The following VWF variants were observed in gnomAD, a reference collection of about 807,000 sequenced individuals.
VWF encodes von Willebrand factor, also known as Factor VIII related antigen.
VWF carries 176 observed loss-of-function variants against 308.6 expected under a neutral mutation model. That is an observed-to-expected ratio of 0.57 (90% CI 0.50 to 0.65). The LOEUF is 0.65. VWF is among the 30% of genes least tolerant of loss of function. VWF has a pLI of 0.00. For synonymous variants in VWF, 1,385 were observed against 1,443.4 expected (o/e 0.96, Z 0.92); for missense variants, 3,146 against 3,648.2 (o/e 0.86, Z 3.55).
intron 34 of VWF, 136 bp from the exon 35 acceptor site, chr12:5,996,358 A>G: frequency 2.5e-6 from 2 of 796,010 alleles, no homozygotes; most frequent in Non-Finnish European, 4.2e-6. Flanking sequence ...GAGGTCATAT[A>G]GAACAATTTC....
At chr12:6,080,509 G>A (rs987253357) in intron 6 of VWF, among the ~76,000 whole-genome samples, 8 of 152,204 alleles carry the variant, frequency 5.3e-5, no homozygotes, top group African/African-American at 1.9e-4. Flanking sequence ...GTCTGCACAG[G>A]GCCCTGGATG....
intron 5 of VWF, chr12:6,096,107 AGATG>A (rs58581042): frequency 0.15 from 22,928 of 155,900 alleles, 1,760 homozygotes; most frequent in East Asian, 0.25. Context: ...ATGGATGGAT[AGATG>A]GATGGATGGA....
intron 5 of VWF, among the ~76,000 whole-genome samples, chr12:6,108,838 A>G (rs746005671): frequency 6.6e-5 from 10 of 152,062 alleles, no homozygotes; most frequent in Non-Finnish European, 1.3e-4. Context: ...AAAATTAGCC[A>G]GGCATGGTGG....
chr12:6,108,825 C>G (rs1945272424), intron 5 of VWF, among the ~76,000 whole-genome samples: 1 of 151,520 alleles, frequency 6.6e-6, no homozygotes, highest in South Asian at 2.1e-4. Flanking sequence ...ACTAAAAATA[C>G]AAAAAATTAG....
chr12:6,075,598 C>T lies in VWF; in HGVS notation c.658-47G>A. Reference sequence around the variant, plus strand: ...CAGCGGTATGCTCCGTTAGTGTCTCCCTGAGTGTGGCACTGAGACTTAGCC... The same window carrying T: ...CAGCGGTATGCTCCGTTAGTGTCTCTCTGAGTGTGGCACTGAGACTTAGCC... On this transcript the variant is annotated intron_variant, in intron 6 of 51. Coordinates refer to ENST00000261405, the MANE Select transcript of VWF (RefSeq NM_000552.5). The surrounding 1 kb of genome is among the most constrained non-coding windows in gnomAD (Gnocchi z 4.7). 1 of 1,577,690 alleles carries T rather than the reference C, an allele frequency of 6.3e-7. No individual in the cohort carries two copies. Among genetic ancestry groups the T allele is most frequent in the Non-Finnish European group, 8.6e-7 (1 of 1,159,432 alleles).
rs73261071 is a variant in VWF, at chr12:6,019,937, A to G, written c.3675-194T>C. Among the ~76,000 whole-genome samples, 10,120 of 152,146 alleles carry G rather than the reference A, an allele frequency of 0.067. 1,070 individuals carry two copies. Among genetic ancestry groups the G allele is most frequent in the African/African-American group, 0.23 (9,338 of 41,434 alleles). ...TCTGTCCCCAAATAGCATGCCCCCC[A>G]CCTTCAAAACACACACATAGCCGAC... On this transcript the variant is annotated intron_variant, in intron 27 of 51. Transcript: ENST00000261405. The surrounding 1 kb of genome is among the most constrained non-coding windows in gnomAD (Gnocchi z 5.8).
At chr12:5,969,639 G>T (rs1943447289) in intron 44 of VWF, among the ~76,000 whole-genome samples, 1 of 152,224 alleles carries the variant, frequency 6.6e-6, no homozygotes, top group Non-Finnish European at 1.5e-5. Flanking sequence ...GAAGCCAGGG[G>T]ACTCACCCTC....
chr12:6,019,272 C>G lies in VWF; in HGVS notation c.4146G>C (p.Leu1382=). Residue 1382 remains leucine (L), a synonymous_variant, in exon 28 of 52, where the codon CTG becomes CTC. Transcript: ENST00000261405. This position sits in a 1 kb window ranked among gnomAD's most constrained non-coding sequence, Gnocchi z 5.8. ...IDRPEASRIT[L]LLMASQEPQR... ...GGGGCTCCTGGCTGGCCATCAGGAG[C>G]AGGGTGATGCGGGAGGCTTCAGGGC... is the stretch of plus-strand genomic sequence containing the variant. 6.2e-7 allele frequency: 1 copy of G among 1,613,830 alleles called. No individual in the cohort carries two copies. Among genetic ancestry groups the G allele is most frequent in the Non-Finnish European group, 8.5e-7 (1 of 1,179,838 alleles).
chr12:6,101,797 T>C (rs1434498881), intron 5 of VWF, among the ~76,000 whole-genome samples: 1 of 151,488 alleles, frequency 6.6e-6, no homozygotes, highest in African/African-American at 2.4e-5. Flanking sequence ...ATAATAATAA[T>C]AAAAATAAAG....
rs1945292151 is a variant in VWF at position 6,110,300 on chromosome 12, T to C, written c.532+74A>G. The C allele has an allele frequency of 5.4e-6, 8 of 1,488,300 alleles. No individual in the cohort carries two copies. In the South Asian group the frequency reaches 6.8e-5, roughly 13 times the overall value. The allele number at this position is 1,488,300 out of a possible 1,614,324, so 92.2% of individuals were successfully genotyped here. ...GGCTTGAATGCCAGGGAAGGCATGT[T>C]AGTGAAGGTTTATGAGCAAGGAAAT... is the stretch of plus-strand genomic sequence containing the variant. On this transcript the variant is annotated intron_variant, in intron 5 of 51. Transcript: ENST00000261405.
intron 51 of VWF, 56 bp from the exon 52 acceptor site, chr12:5,949,259 G>C (rs1787803534): frequency 6.3e-7 from 1 of 1,586,516 alleles, no homozygotes; most frequent in Admixed American, 1.7e-5. Flanking sequence ...TCCTGGCTTA[G>C]GCAGGGCTCT....
intron 47 of VWF, among the ~76,000 whole-genome samples, chr12:5,966,701 C>A (rs1943409017): frequency 6.6e-6 from 1 of 151,770 alleles, no homozygotes; most frequent in South Asian, 2.1e-4. Context: ...CTTCCCTGTA[C>A]CCTCTGAGAA....
chr12:6,092,634 T>TGAGAGAGAGAGAGAGA (rs1565386750), intron 6 of VWF, among the ~76,000 whole-genome samples: 1 of 79,262 alleles, frequency 1.3e-5, no homozygotes, highest in African/African-American at 7.9e-5. Context: ...TGTGTGTGTG[T>TGAGAGAGAGAGAGAGA]GTGTGTGTGT....
At chr12:6,122,438 C>T (rs558310190) in intron 2 of VWF, among the ~76,000 whole-genome samples, 1 of 152,210 alleles carries the variant, frequency 6.6e-6, no homozygotes, top group East Asian at 1.9e-4. Flanking sequence ...GTGTGTGTGT[C>T]GGCAGGTGGG....
intron 38 of VWF, among the ~76,000 whole-genome samples, chr12:5,987,497 C>T (rs1211914458): frequency 6.6e-6 from 1 of 152,330 alleles, no homozygotes; most frequent in African/African-American, 2.4e-5. Flanking sequence ...AGCACAACTG[C>T]TTCTCATCAA....
intron 21 of VWF, 88 bp downstream of exon 21, chr12:6,031,356 G>A (rs1478977909): frequency 3.5e-5 from 56 of 1,603,388 alleles, no homozygotes; most frequent in South Asian, 2.1e-4. Flanking sequence ...CCATTCACAC[G>A]AGCTCTAAAT....
At chr12:6,052,249 G>C (rs747101709) in intron 16 of VWF, among the ~76,000 whole-genome samples, 5 of 152,142 alleles carry the variant, frequency 3.3e-5, no homozygotes, top group Non-Finnish European at 7.3e-5. Context: ...TCCTGTTCCA[G>C]AAAAGGAAAA....
At chr12:6,073,969 C>T (rs762860406) in intron 7 of VWF, among the ~76,000 whole-genome samples, 1 of 152,132 alleles carries the variant, frequency 6.6e-6, no homozygotes, top group Non-Finnish European at 1.5e-5. Context: ...CCATCGGGGG[C>T]ACCCAGGACC....
intron 17 of VWF, among the ~76,000 whole-genome samples, chr12:6,045,916 T>C (rs1944442604): frequency 6.6e-6 from 1 of 152,200 alleles, no homozygotes; most frequent in Non-Finnish European, 1.5e-5. Context: ...CTCCCTTCCA[T>C]GCCTGGTCCT....
Sources: allele counts gnomAD v4.1 joint callset (sites outside exome capture counted in the v4.1 genomes callset), GRCh38; gene constraint gnomAD v4.1.1; non-coding constraint Gnocchi (gnomAD v3.1); transcripts MANE v1.5; gene names NCBI Gene and HGNC (gene_info 2026-07-23, HGNC 2026-07-21).